The following RORA variants were observed in gnomAD, a reference collection of about 807,000 sequenced individuals.
The protein encoded by RORA is nuclear receptor ROR-alpha.
In RORA, 7 loss-of-function variants were observed where a neutral mutation model predicts 69.5. That is an observed-to-expected ratio of 0.10 (90% confidence interval 0.06 to 0.19). The LOEUF (loss-of-function observed/expected upper bound fraction) is 0.19. RORA is among the 10% of genes least tolerant of loss of function. RORA has a pLI of 1.00. For missense variants in RORA, 457 were observed against 663.0 expected (o/e 0.69, Z 3.41); for synonymous variants, 261 against 240.8 (o/e 1.08, Z -0.78).
chr15:60,745,453 C>T (rs925653197), intron 1 of RORA, among the ~76,000 whole-genome samples: 4 of 152,182 alleles, frequency 2.6e-5, no homozygotes, highest in African/African-American at 7.2e-5. Flanking sequence ...AAAACTTGGC[C>T]GATTCTGTCT....
At chr15:60,865,539 G>A (rs1378526724) in intron 1 of RORA, among the ~76,000 whole-genome samples, 1 of 152,196 alleles carries the variant, frequency 6.6e-6, no homozygotes, top group Non-Finnish European at 1.5e-5. Context: ...ATGCCCTGCT[G>A]TTACACTTTC....
chr15:60,911,933 C>A (rs1228254013), intron 1 of RORA, among the ~76,000 whole-genome samples: 1 of 149,628 alleles, frequency 6.7e-6, no homozygotes, highest in African/African-American at 2.5e-5. Context: ...TGATCTCGAA[C>A]TCCTGACCTC....
At chr15:60,699,485 T>C (rs1201085660) in intron 1 of RORA, among the ~76,000 whole-genome samples, 3 of 152,120 alleles carry the variant, frequency 2.0e-5, no homozygotes, top group Admixed American at 2.0e-4. Flanking sequence ...AGAAAAAAAA[T>C]CAGGATATCA....
intron 1 of RORA, among the ~76,000 whole-genome samples, chr15:60,689,631 C>T (rs1016680433): frequency 2.0e-5 from 3 of 152,008 alleles, no homozygotes; most frequent in African/African-American, 7.3e-5. Flanking sequence ...CAATACTGGT[C>T]CAGGGACCAG....
At chr15:60,784,191 A>T (rs2072303935) in intron 1 of RORA, among the ~76,000 whole-genome samples, 1 of 152,198 alleles carries the variant, frequency 6.6e-6, no homozygotes, top group Non-Finnish European at 1.5e-5. Context: ...TCAGTCCCCA[A>T]AGTCCACTTT....
intron 1 of RORA, among the ~76,000 whole-genome samples, chr15:61,052,452 T>C (rs937246638): frequency 1.3e-5 from 2 of 152,242 alleles, no homozygotes; most frequent in Non-Finnish European, 2.9e-5. Context: ...GTAGTGGTTC[T>C]AGTATCGTAC....
At chr15:61,219,894 T>C (rs964067353) in intron 1 of RORA, among the ~76,000 whole-genome samples, 1 of 152,190 alleles carries the variant, frequency 6.6e-6, no homozygotes, top group Non-Finnish European at 1.5e-5. Flanking sequence ...AAGTCAGCTT[T>C]AGAGGGTTCA....
chr15:60,915,533 T>C (rs1395644678), intron 1 of RORA, among the ~76,000 whole-genome samples: 2 of 152,228 alleles, frequency 1.3e-5, no homozygotes, highest in Non-Finnish European at 2.9e-5. Context: ...GTGGCGCGAA[T>C]ACTCTATTTC....
At chr15:61,153,504 A>C (rs1047282329) in intron 1 of RORA, among the ~76,000 whole-genome samples, 3 of 152,148 alleles carry the variant, frequency 2.0e-5, no homozygotes, top group African/African-American at 7.2e-5. Context: ...GCAGCTGCTA[A>C]CCCACTCATA....
chr15:61,227,863 G>C (rs903198923), intron 1 of RORA, among the ~76,000 whole-genome samples: 1 of 152,220 alleles, frequency 6.6e-6, no homozygotes, highest in Admixed American at 6.5e-5. Flanking sequence ...AGTAATTAAA[G>C]CTGTAGCTTC....
intron 1 of RORA, among the ~76,000 whole-genome samples, chr15:61,221,922 T>C (rs2080100587): frequency 6.7e-6 from 1 of 148,848 alleles, no homozygotes; most frequent in East Asian, 2.0e-4. Context: ...CTAAGAAGCC[T>C]GAGGCGGGAG....
intron 1 of RORA, among the ~76,000 whole-genome samples, chr15:60,891,867 T>A (rs1014798104): frequency 6.6e-6 from 1 of 152,226 alleles, no homozygotes; most frequent in East Asian, 1.9e-4. Context: ...AGCTTTATGG[T>A]CACCACCTCC....
At chr15:60,884,064 A>G (rs2073722441) in intron 1 of RORA, among the ~76,000 whole-genome samples, 1 of 152,238 alleles carries the variant, frequency 6.6e-6, no homozygotes, top group African/African-American at 2.4e-5. Context: ...TGGCCCCCAC[A>G]GTATTGGAGG....
chr15:60,987,491 G>A (rs1298723677), intron 1 of RORA, among the ~76,000 whole-genome samples: 2 of 152,120 alleles, frequency 1.3e-5, no homozygotes, highest in Non-Finnish European at 2.9e-5. Flanking sequence ...GTCATAGTGA[G>A]GATTAGGGGT....
At position 60,511,384 on chromosome 15, in the gene RORA, A is replaced by T. The variant is rs779580545; in HGVS notation, c.662T>A (p.Phe221Tyr). The change falls in exon 5 of 11, where the codon TTC (phenylalanine) becomes TAC (tyrosine). Residue 221 changes from phenylalanine to tyrosine, a missense_variant. Around this residue, in one of 3 missense-constraint regions of RORA, gnomAD observed 304 missense variants for 447.4 expected, o/e 0.68. Coordinates refer to ENST00000335670, the MANE Select transcript of RORA (RefSeq NM_134261.3). The surrounding 1 kb of genome is among the most constrained non-coding windows in gnomAD (Gnocchi z 6.4). ...GSKADSAVSS[F>Y]YLDIQPSPDQ... ...TGGGGAAGGCTGTATGTCCAGGTAG[A>T]AGCTGCTGACGGCGGAGTCTGCCTT... 1.9e-6 allele frequency: 3 copies of T among 1,614,186 alleles called. No individual in the cohort carries two copies. Among genetic ancestry groups the T allele is most frequent in the Non-Finnish European group, 1.7e-6 (2 of 1,180,032 alleles).
intron 1 of RORA, among the ~76,000 whole-genome samples, chr15:61,118,202 G>C (rs1372155607): frequency 6.6e-6 from 1 of 152,128 alleles, no homozygotes; most frequent in African/African-American, 2.4e-5. Context: ...AGAGGGTAGG[G>C]GTGGGGGAAT....
chr15:60,842,337 C>T (rs2073210030), intron 1 of RORA, among the ~76,000 whole-genome samples: 1 of 152,170 alleles, frequency 6.6e-6, no homozygotes, highest in South Asian at 2.1e-4. Context: ...GTCCAAATAC[C>T]TAGTCTCAGC....
chr15:61,171,125 C>T (rs1263408446), intron 1 of RORA, among the ~76,000 whole-genome samples: 1 of 152,182 alleles, frequency 6.6e-6, no homozygotes, highest in Admixed American at 6.5e-5. Flanking sequence ...CATGCTGGCT[C>T]ATACTCACTC....
At chr15:60,853,252 T>C (rs530558590) in intron 1 of RORA, among the ~76,000 whole-genome samples, 2 of 152,346 alleles carry the variant, frequency 1.3e-5, no homozygotes, top group African/African-American at 4.8e-5. Context: ...TTGGCCATTA[T>C]CTGCAGCCGC....
Sources: gnomAD v4.1 joint callset for allele counts (sites outside exome capture counted in the v4.1 genomes callset) on GRCh38, gnomAD v4.1.1 for gene constraint, gnomAD v4.1.1 regional missense constraint, Gnocchi (gnomAD v3.1) non-coding constraint, MANE v1.5 for transcripts, NCBI Gene and HGNC (gene_info 2026-07-23, HGNC 2026-07-21) for gene names.